Variants in SNX29 observed in about 807,000 individuals in gnomAD.
The protein encoded by SNX29 is sorting nexin-29.
SNX29 carries 78 observed loss-of-function variants against 102.1 expected under a neutral mutation model. The ratio of observed to expected loss-of-function variants is 0.76; its 90% CI spans 0.64 to 0.92. The LOEUF (loss-of-function observed/expected upper bound fraction) is 0.92. Ranked by LOEUF, SNX29 falls within the 40% of genes least tolerant of loss-of-function variation. The probability of loss-of-function intolerance (pLI) is 0.00; values close to 1 mark genes in which losing one functional copy is unlikely to be tolerated. For synonymous variants in SNX29, 580 were observed against 414.5 expected, an observed-to-expected ratio of 1.40 and a Z score of -4.85; for missense variants, 1,280 against 1,061.7, an observed-to-expected ratio of 1.21 and a Z score of -2.86.
chr16:12,565,979 T>A (rs918768992), intron 20 of SNX29, among the ~76,000 whole-genome samples: 2 of 152,140 alleles, frequency 1.3e-5, no homozygotes, highest in Non-Finnish European at 2.9e-5. Context: ...TTTCCAAACC[T>A]GAGACCACTT....
chr16:12,563,348 C>T (rs563020188), intron 20 of SNX29, among the ~76,000 whole-genome samples: 6 of 152,196 alleles, frequency 3.9e-5, no homozygotes, highest in Non-Finnish European at 7.3e-5. Flanking sequence ...GGCCATTATC[C>T]TGAGCCTGTC....
chr16:12,370,684 C>T (rs927570998), intron 16 of SNX29, among the ~76,000 whole-genome samples: 2 of 152,198 alleles, frequency 1.3e-5, no homozygotes, highest in Non-Finnish European at 2.9e-5. Flanking sequence ...GAGGCTTCCC[C>T]ATCTCCCTGA....
chr16:12,548,832 G>A (rs984784381), intron 20 of SNX29, among the ~76,000 whole-genome samples: 8 of 152,322 alleles, frequency 5.3e-5, no homozygotes, highest in South Asian at 4.1e-4. Flanking sequence ...GCCCAGCCCT[G>A]TCTAGCTCTC....
intron 19 of SNX29, among the ~76,000 whole-genome samples, chr16:12,513,599 G>C (rs748745577): frequency 1.3e-5 from 2 of 152,166 alleles, no homozygotes; most frequent in African/African-American, 2.4e-5. Context: ...ACCTGTTCCA[G>C]CCTCTCAGCC....
At chr16:12,292,034 T>C (rs1210483073) in intron 15 of SNX29, among the ~76,000 whole-genome samples, 1 of 152,184 alleles carries the variant, frequency 6.6e-6, no homozygotes, top group Non-Finnish European at 1.5e-5. Flanking sequence ...AGAGGGAAAT[T>C]GGCGCTGTCA....
intron 13 of SNX29, among the ~76,000 whole-genome samples, chr16:12,133,957 A>T (rs1259948686): frequency 6.6e-6 from 1 of 152,172 alleles, no homozygotes; most frequent in African/African-American, 2.4e-5. Flanking sequence ...TTTTGCTAAG[A>T]ATTACTGGCT....
intron 18 of SNX29, among the ~76,000 whole-genome samples, chr16:12,441,308 C>G (rs1311809768): frequency 6.6e-6 from 1 of 151,812 alleles, no homozygotes. Flanking sequence ...CAGGATGGTA[C>G]CAATCTCCTG....
chr16:12,540,528 T>C (rs1425594846), intron 20 of SNX29, among the ~76,000 whole-genome samples: 1 of 152,206 alleles, frequency 6.6e-6, no homozygotes, highest in Admixed American at 6.5e-5. Context: ...CAGAATTTGT[T>C]TCGCGGCTTC....
intron 18 of SNX29, among the ~76,000 whole-genome samples, chr16:12,420,667 A>G (rs775072486): frequency 2.0e-5 from 3 of 152,196 alleles, no homozygotes; most frequent in Non-Finnish European, 4.4e-5. Context: ...CACAGAGTTG[A>G]TATAAGGATT....
chr16:12,035,656 G>A (rs1045937486), intron 4 of SNX29, among the ~76,000 whole-genome samples: 1 of 152,126 alleles, frequency 6.6e-6, no homozygotes, highest in African/African-American at 2.4e-5. Flanking sequence ...CTTTGTTCCT[G>A]GCATGGCTGA....
chr16:12,445,929 G>A (rs1019610725), intron 18 of SNX29, among the ~76,000 whole-genome samples: 1 of 152,138 alleles, frequency 6.6e-6, no homozygotes, highest in African/African-American at 2.4e-5. Flanking sequence ...TAGTAAATGT[G>A]TGTGAAAAGG....
At chr16:12,282,713 T>C (rs904259748) in intron 15 of SNX29, among the ~76,000 whole-genome samples, 1 of 152,202 alleles carries the variant, frequency 6.6e-6, no homozygotes, top group African/African-American at 2.4e-5. Flanking sequence ...TGGAGTGCAA[T>C]TGCCTGATCT....
chr16:12,092,971 T>C (rs945207725), intron 11 of SNX29, among the ~76,000 whole-genome samples: 1 of 152,178 alleles, frequency 6.6e-6, no homozygotes, highest in African/African-American at 2.4e-5. Flanking sequence ...TGTTGGCCGA[T>C]GTGGGAAGAG....
At chr16:12,425,134 G>A (rs931284328) in intron 18 of SNX29, among the ~76,000 whole-genome samples, 2 of 152,172 alleles carry the variant, frequency 1.3e-5, no homozygotes, top group African/African-American at 4.8e-5. Flanking sequence ...ACGCAAAAGC[G>A]GGTGAGACCG....
At chr16:12,292,571 T>C (rs1814072382) in intron 15 of SNX29, among the ~76,000 whole-genome samples, 1 of 152,216 alleles carries the variant, frequency 6.6e-6, no homozygotes, top group Non-Finnish European at 1.5e-5. Context: ...GGCTTCTGTT[T>C]CTTAAAGGTG....
At chr16:12,399,349 G>C (rs2083848132) in intron 17 of SNX29, among the ~76,000 whole-genome samples, 1 of 152,208 alleles carries the variant, frequency 6.6e-6, no homozygotes, top group South Asian at 2.1e-4. Flanking sequence ...ACCGTGCCCA[G>C]CCGATTTTTG....
At chr16:12,156,941 G>A (rs1475043396) in intron 13 of SNX29, among the ~76,000 whole-genome samples, 1 of 152,190 alleles carries the variant, frequency 6.6e-6, no homozygotes, top group African/African-American at 2.4e-5. Context: ...GCTGGGCAGG[G>A]AGGCCCCTGT....
intron 20 of SNX29, among the ~76,000 whole-genome samples, chr16:12,541,891 A>G (rs1180398128): frequency 6.6e-6 from 1 of 152,086 alleles, no homozygotes; most frequent in Non-Finnish European, 1.5e-5. Context: ...AATGTTTATG[A>G]TGATGCAACA....
intron 14 of SNX29, among the ~76,000 whole-genome samples, chr16:12,262,729 C>G (rs2078814060): frequency 6.6e-6 from 1 of 152,220 alleles, no homozygotes. Flanking sequence ...TTTCTGTGCT[C>G]TGGACTTAGG....
Sources: allele counts gnomAD v4.1 joint callset (sites outside exome capture counted in the v4.1 genomes callset), GRCh38; gene constraint gnomAD v4.1.1; transcripts MANE v1.5; gene names NCBI Gene and HGNC (gene_info 2026-07-23, HGNC 2026-07-21).